CEP63: variants seen among roughly 807,000 people sequenced by gnomAD.
CEP63 encodes centrosomal protein of 63 kDa.
In CEP63, 84 loss-of-function variants were observed where a neutral mutation model predicts 89.1. The observed-to-expected ratio is 0.94, with a 90% confidence interval of 0.79 to 1.13. CEP63 has a LOEUF of 1.13. Among genes scored for constraint, CEP63 ranks in the 50% most tolerant of loss-of-function variants. The probability of loss-of-function intolerance (pLI) is 0.00; values close to 1 mark genes in which losing one functional copy is unlikely to be tolerated. For synonymous variants in CEP63, 267 were observed against 272.5 expected, an observed-to-expected ratio of 0.98 and a Z score of 0.20; for missense variants, 838 against 813.3, an observed-to-expected ratio of 1.03 and a Z score of -0.37.
chr3:134,751,958 C>T, the CEP63 span, among the ~76,000 whole-genome samples: 11,350 of 152,132 alleles, frequency 0.075, 1,440 homozygotes, highest in African/African-American at 0.26. Context: ...TTTCTGGCTG[C>T]GTTCCTAGAA....
At position 134,538,993 on chromosome 3, in the gene CEP63, G is replaced by A. The variant is rs1259393475; in HGVS notation, c.555+1725G>A. On this transcript the variant is annotated intron_variant, in intron 6 of 14. Transcript: ENST00000675561. ...AGCCAACATTTGTTTTTCCTACTAA[G>A]GGTGTTTGAATTAATTCTTCTGATA... is the stretch of plus-strand genomic sequence containing the variant. Among the ~76,000 whole-genome samples the A allele has an allele frequency of 2.0e-5, 3 of 152,162 alleles. No individual in the cohort carries two copies. The East Asian group carries it at 5.8e-4, about 29-fold the overall frequency.
chr3:134,545,248 C>T (rs986468083), intron 6 of CEP63, among the ~76,000 whole-genome samples: 7 of 152,116 alleles, frequency 4.6e-5, no homozygotes, highest in African/African-American at 1.7e-4. Context: ...CCGCCCACCT[C>T]AGCCTCTCAA....
At chr3:134,594,729 C>T in the CEP63 span, among the ~76,000 whole-genome samples, 1 of 152,212 alleles carries the variant, frequency 6.6e-6, no homozygotes, top group African/African-American at 2.4e-5. Flanking sequence ...GCCATGTAAA[C>T]AACCCAGAGA....
chr3:134,485,991 G>GGGCCCCCCCC, upstream of CEP63: 2 of 938,168 alleles, frequency 2.1e-6, no homozygotes, highest in Non-Finnish European at 2.5e-6. Flanking sequence ...CTCCTGCCAC[G>GGGCCCCCCCC]CCCCCCCCCC....
chr3:134,532,798 C>T lies in CEP63; in HGVS notation c.339C>T (p.Ser113=). 6.2e-7 allele frequency: 1 copy of T among 1,604,470 alleles called. No individual in the cohort carries two copies. The highest frequency in any genetic ancestry group is 8.5e-7 in the Non-Finnish European group (1 of 1,171,850). Residue 113 remains serine (S), a synonymous_variant, in exon 5 of 15, where the codon AGC becomes AGT. Transcript: ENST00000675561. ...LHEELCILKR[S]YEKLQKKQMR... is the part of the protein sequence containing the mutation. ...TACAGTTATGCATACTGAAGAGAAG[C>T]TATGAAAAGCTTCAGAAAAAGCAAA...
chr3:134,751,746 A>G, the CEP63 span, among the ~76,000 whole-genome samples: 3 of 152,170 alleles, frequency 2.0e-5, no homozygotes, highest in African/African-American at 4.8e-5. Flanking sequence ...TCAGGATATT[A>G]TATTTATGCG....
intron 3 of CEP63, among the ~76,000 whole-genome samples, chr3:134,512,214 T>A (rs868273073): frequency 8.5e-5 from 13 of 152,254 alleles, no homozygotes; most frequent in Admixed American, 4.6e-4. Flanking sequence ...TGGATTGCTG[T>A]CTGTGAATAA....
rs1957449108 is a variant in CEP63 at position 134,562,565 on chromosome 3, A to C, written c.*1030A>C. ...CAGTTTTTTTTAATGCCTCTCTTTT[A>C]CTGCTCTGTATGTTTGCTTCCCTTC... On this transcript the variant is annotated 3_prime_UTR_variant, in exon 15 of 15. Coordinates refer to ENST00000675561, the MANE Select transcript of CEP63 (RefSeq NM_001353108.3). 1 of 151,582 alleles carries C rather than the reference A, an allele frequency of 6.6e-6. No individual in the cohort carries two copies. The highest frequency in any genetic ancestry group is 2.4e-5 in the African/African-American group (1 of 41,164). The allele number at this position is 151,582 out of a possible 1,614,324, so 9.4% of individuals were successfully genotyped here.
At chr3:134,679,127 CAT>C in the CEP63 span, among the ~76,000 whole-genome samples, 4 of 152,052 alleles carry the variant, frequency 2.6e-5, no homozygotes, top group Admixed American at 1.3e-4. Context: ...GAAAAAGAAA[CAT>C]ATATTTTAAT....
the CEP63 span, among the ~76,000 whole-genome samples, chr3:134,720,700 A>G: frequency 1.3e-5 from 2 of 152,090 alleles, no homozygotes; most frequent in Non-Finnish European, 2.9e-5. Flanking sequence ...GCATATGGAA[A>G]TCCAGTTTTC....
At chr3:134,701,217 TGTGTATATATAC>T in the CEP63 span, among the ~76,000 whole-genome samples, 9 of 190 alleles carry the variant, frequency 0.047, 1 homozygote, top group Non-Finnish European at 0.14. Flanking sequence ...CGTATATATG[TGTGTATATATAC>T]GTATATATAC....
At chr3:134,566,390 T>A (rs1311806845), downstream of CEP63, among the ~76,000 whole-genome samples, 3 of 152,108 alleles carry the variant, frequency 2.0e-5, no homozygotes, top group South Asian at 2.1e-4. Context: ...GGGGAGAAGG[T>A]TCATAATTTT....
intron 12 of CEP63, among the ~76,000 whole-genome samples, chr3:134,556,665 A>G (rs1168140317): frequency 2.6e-5 from 4 of 152,216 alleles, no homozygotes; most frequent in East Asian, 1.9e-4. Flanking sequence ...TCTCAGGGGA[A>G]CTTAAGCCAG....
the CEP63 span, chr3:134,650,931 T>TA: frequency 3.7e-6 from 6 of 1,613,314 alleles, no homozygotes; most frequent in South Asian, 1.1e-5. Flanking sequence ...TGTCGATAGA[T>TA]ACAGCGTTGA....
downstream of CEP63, among the ~76,000 whole-genome samples, chr3:134,566,966 A>C (rs1227265453): frequency 6.6e-6 from 1 of 152,220 alleles, no homozygotes; most frequent in Non-Finnish European, 1.5e-5. Context: ...TTTGTACACA[A>C]ATGATCTTAG....
chr3:134,598,506 T>C, the CEP63 span, among the ~76,000 whole-genome samples: 1 of 152,174 alleles, frequency 6.6e-6, no homozygotes, highest in South Asian at 2.1e-4. Flanking sequence ...GATAAGAATA[T>C]ATGAATGGGA....
chr3:134,722,412 T>C, the CEP63 span, among the ~76,000 whole-genome samples: 4 of 152,150 alleles, frequency 2.6e-5, no homozygotes, highest in Non-Finnish European at 5.9e-5. Flanking sequence ...TTCTCTTTCA[T>C]TCCCGATTTA....
At chr3:134,510,661 AT>A in intron 3 of CEP63, 1 of 637,960 alleles carries the variant, frequency 1.6e-6, no homozygotes, top group East Asian at 3.6e-5. Flanking sequence ...CCCTTCTTGC[AT>A]TTCTGGAGCC....
At chr3:134,729,254 G>T in the CEP63 span, among the ~76,000 whole-genome samples, 2 of 151,944 alleles carry the variant, frequency 1.3e-5, no homozygotes, top group Non-Finnish European at 2.9e-5. Flanking sequence ...TCACACCAGG[G>T]GTAATCCCTT....
Sources: allele counts gnomAD v4.1 joint callset (sites outside exome capture counted in the v4.1 genomes callset), GRCh38; gene constraint gnomAD v4.1.1; transcripts MANE v1.5; gene names NCBI Gene and HGNC (gene_info 2026-07-23, HGNC 2026-07-21).